GPR39: variants seen among roughly 807,000 people sequenced by gnomAD.
GPR39 encodes the protein G protein-coupled receptor 39.
A neutral mutation model predicts 18.4 loss-of-function variants in GPR39; 23 were observed. The ratio of observed to expected loss-of-function variants is 1.25; its 90% confidence interval spans 0.90 to 1.77. The LOEUF (loss-of-function observed/expected upper bound fraction) is 1.77, where lower values mean the gene tolerates loss of function less well. GPR39 is among the 40% of genes most tolerant of loss of function. The probability of loss-of-function intolerance (pLI) is 0.00; values close to 1 mark genes in which losing one functional copy is unlikely to be tolerated. For synonymous variants in GPR39, 280 were observed against 257.9 expected (o/e 1.09, Z -0.82); for missense variants, 647 against 602.4 (o/e 1.07, Z -0.78).
rs1234840108 is a variant in GPR39, at chr2:132,495,391, C to T, written c.856+77493C>T. ...TTGGACGGTAGTGGGATGTTGAGGT[C>T]GCTTTGTAGATTTCAGTTTGGAAGC... is the stretch of plus-strand genomic sequence containing the variant. On this transcript the variant is annotated intron_variant, in intron 1 of 1. Transcript: ENST00000329321. 3.9e-5 allele frequency among the ~76,000 whole-genome samples: 6 copies of T among 152,146 alleles called. 1 individual carries two copies. The highest frequency in any genetic ancestry group is 3.3e-4 in the Admixed American group (5 of 15,284).
At chr2:132,462,067 T>C (rs946546854) in intron 1 of GPR39, among the ~76,000 whole-genome samples, 5 of 152,222 alleles carry the variant, frequency 3.3e-5, no homozygotes, top group Non-Finnish European at 7.3e-5. Flanking sequence ...TAATCACCTC[T>C]TATTAGCCCT....
At chr2:132,588,325 T>C (rs1679343846) in intron 1 of GPR39, among the ~76,000 whole-genome samples, 1 of 152,154 alleles carries the variant, frequency 6.6e-6, no homozygotes, top group Non-Finnish European at 1.5e-5. Flanking sequence ...GAGGGAAGGA[T>C]GGCCAAGGGT....
intron 1 of GPR39, among the ~76,000 whole-genome samples, chr2:132,528,861 G>A (rs916447051): frequency 3.9e-5 from 6 of 152,100 alleles, no homozygotes; most frequent in Non-Finnish European, 8.8e-5. Context: ...TCTAAACATA[G>A]AATCATGTCA....
chr2:132,448,308 A>C (rs1194969358), intron 1 of GPR39, among the ~76,000 whole-genome samples: 1 of 152,190 alleles, frequency 6.6e-6, no homozygotes, highest in Non-Finnish European at 1.5e-5. Flanking sequence ...GGGTGTGGAT[A>C]GTTTTGGTTC....
intron 1 of GPR39, among the ~76,000 whole-genome samples, chr2:132,495,782 TCTTTCATCC>T (rs142198960): frequency 0.018 from 2,758 of 152,096 alleles, 95 homozygotes; most frequent in African/African-American, 0.062. Context: ...TCCTTTCCTC[TCTTTCATCC>T]CTCTCTTCTC....
At chr2:132,623,731 A>G (rs867342850) in intron 1 of GPR39, among the ~76,000 whole-genome samples, 7 of 152,242 alleles carry the variant, frequency 4.6e-5, no homozygotes, top group Middle Eastern at 6.8e-3. Context: ...AGCTGGAAAC[A>G]TTTCTGTGAT....
intron 1 of GPR39, among the ~76,000 whole-genome samples, chr2:132,458,633 A>C (rs1304617391): frequency 6.6e-6 from 1 of 151,594 alleles, no homozygotes; most frequent in African/African-American, 2.4e-5. Flanking sequence ...TATTTTTCCT[A>C]TAATATTGCT....
intron 1 of GPR39, among the ~76,000 whole-genome samples, chr2:132,507,599 A>G (rs1679157754): frequency 6.6e-6 from 1 of 152,182 alleles, no homozygotes; most frequent in African/African-American, 2.4e-5. Flanking sequence ...ACCTGGGGTT[A>G]GGTCAAATTT....
intron 1 of GPR39, among the ~76,000 whole-genome samples, chr2:132,585,958 T>TG (rs1680720822): frequency 7.1e-6 from 1 of 141,202 alleles, no homozygotes; most frequent in Non-Finnish European, 1.5e-5. Context: ...GTTTTTTTTT[T>TG]TTTTTTTTTT....
intron 1 of GPR39, among the ~76,000 whole-genome samples, chr2:132,492,794 A>G (rs1363921151): frequency 1.3e-3 from 2 of 1,520 alleles, no homozygotes; most frequent in Non-Finnish European, 0.013. Context: ...TATATATACC[A>G]TATATACCAT....
chr2:132,567,166 A>G (rs1680363265), intron 1 of GPR39, among the ~76,000 whole-genome samples: 1 of 152,200 alleles, frequency 6.6e-6, no homozygotes, highest in African/African-American at 2.4e-5. Context: ...TAGTAAAAAT[A>G]CAAAAATTAA....
chr2:132,487,243 T>C (rs1365183791), intron 1 of GPR39, among the ~76,000 whole-genome samples: 1 of 152,192 alleles, frequency 6.6e-6, no homozygotes, highest in Non-Finnish European at 1.5e-5. Flanking sequence ...ATAACAGATA[T>C]AGTAATGATA....
chr2:132,418,416 GGCT>G (rs1679951307), intron 1 of GPR39: 1 of 154,122 alleles, frequency 6.5e-6, no homozygotes, highest in South Asian at 2.0e-4. Flanking sequence ...CACACTCTCG[GGCT>G]GCTATTTTAT....
chr2:132,471,829 G>A (rs548963944), intron 1 of GPR39, among the ~76,000 whole-genome samples: 5 of 152,050 alleles, frequency 3.3e-5, no homozygotes, highest in African/African-American at 4.8e-5. Flanking sequence ...CAATGTTTTC[G>A]GTTAACTTTC....
chr2:132,433,402 A>G (rs1269758832), intron 1 of GPR39, among the ~76,000 whole-genome samples: 1 of 152,148 alleles, frequency 6.6e-6, no homozygotes, highest in African/African-American at 2.4e-5. Context: ...TAATCATCTC[A>G]GCATGAGCAG....
At chr2:132,567,202 A>G (rs1043096637) in intron 1 of GPR39, among the ~76,000 whole-genome samples, 1 of 152,190 alleles carries the variant, frequency 6.6e-6, no homozygotes, top group East Asian at 1.9e-4. Context: ...CATGCCTGTA[A>G]TCTCAGCTAC....
At chr2:132,438,644 T>C (rs1294944527) in intron 1 of GPR39, among the ~76,000 whole-genome samples, 2 of 150,962 alleles carry the variant, frequency 1.3e-5, no homozygotes, top group African/African-American at 4.9e-5. Flanking sequence ...GACAGTACTA[T>C]GTGGTCCCAT....
At chr2:132,620,327 G>T (rs1012478026) in intron 1 of GPR39, among the ~76,000 whole-genome samples, 5 of 152,124 alleles carry the variant, frequency 3.3e-5, no homozygotes, top group Non-Finnish European at 7.4e-5. Context: ...TGCCCAGAGG[G>T]TTCCTCATGC....
intron 1 of GPR39, among the ~76,000 whole-genome samples, chr2:132,523,276 A>T (rs1323018795): frequency 6.6e-6 from 1 of 152,226 alleles, no homozygotes; most frequent in East Asian, 1.9e-4. Context: ...TTTTGTCACC[A>T]TCGTTTCATA....
Sources: gnomAD v4.1 joint callset for allele counts (sites outside exome capture counted in the v4.1 genomes callset) on GRCh38, gnomAD v4.1.1 for gene constraint, MANE v1.5 for transcripts, NCBI Gene and HGNC (gene_info 2026-07-23, HGNC 2026-07-21) for gene names.